SLC10A7: variants seen among roughly 807,000 people sequenced by gnomAD.
The protein encoded by SLC10A7 is solute carrier family 10 member 7, also known as sodium/bile acid cotransporter 7.
SLC10A7 carries 29 observed loss-of-function variants against 43.2 expected under a neutral mutation model. That is an observed-to-expected ratio of 0.67 (90% confidence interval 0.50 to 0.92). SLC10A7 has a LOEUF of 0.92. Ranked by LOEUF, SLC10A7 falls within the 40% of genes least tolerant of loss-of-function variation. The probability of loss-of-function intolerance (pLI) is 0.00; values close to 1 mark genes in which losing one functional copy is unlikely to be tolerated. For synonymous variants in SLC10A7, 152 were observed against 144.8 expected (o/e 1.05, Z -0.35); for missense variants, 295 against 403.2 (o/e 0.73, Z 2.30).
intron 5 of SLC10A7, among the ~76,000 whole-genome samples, chr4:146,354,008 A>G (rs2149750281): frequency 6.8e-6 from 1 of 148,146 alleles, no homozygotes; most frequent in Non-Finnish European, 1.5e-5. Flanking sequence ...CACCACTCCT[A>G]TTCAACATAG....
chr4:146,413,403 A>G (rs1333124130), intron 5 of SLC10A7, among the ~76,000 whole-genome samples: 1 of 152,182 alleles, frequency 6.6e-6, no homozygotes, highest in East Asian at 1.9e-4. Context: ...TTCAGATACT[A>G]GTGAGATAAG....
intron 7 of SLC10A7, among the ~76,000 whole-genome samples, chr4:146,301,426 G>A (rs191489852): frequency 1.7e-3 from 265 of 152,270 alleles, no homozygotes; most frequent in African/African-American, 6.1e-3. Context: ...GACTGTGAAG[G>A]GCTTTGGGGC....
chr4:146,451,260 A>C (rs988205794), intron 4 of SLC10A7, among the ~76,000 whole-genome samples: 8 of 150,824 alleles, frequency 5.3e-5, no homozygotes, highest in Non-Finnish European at 7.4e-5. Context: ...ACAAAAAAAA[A>C]CCAGGACCAG....
chr4:146,323,261 C>T (rs985082531), intron 6 of SLC10A7, among the ~76,000 whole-genome samples: 4 of 152,094 alleles, frequency 2.6e-5, no homozygotes, highest in African/African-American at 9.7e-5. Context: ...GCTTTTGTTG[C>T]CATTGCTTTT....
At chr4:146,357,352 A>C (rs1735731345) in intron 5 of SLC10A7, among the ~76,000 whole-genome samples, 1 of 152,168 alleles carries the variant, frequency 6.6e-6, no homozygotes, top group Non-Finnish European at 1.5e-5. Flanking sequence ...TGCATGATAA[A>C]ATCTATATTT....
rs907317383 is a variant in SLC10A7, at chr4:146,385,342, C to T, written c.435+57441G>A. On this transcript the variant is annotated intron_variant, in intron 5 of 11. Transcript: ENST00000335472. Reference sequence around the variant, plus strand: ...AAAGTAACTGCGGTTTTTGCCATTACTTTAAAAAATGCCTCACTTTTAAAA... The same window carrying T: ...AAAGTAACTGCGGTTTTTGCCATTATTTTAAAAAATGCCTCACTTTTAAAA... Among the ~76,000 whole-genome samples the T allele has an allele frequency of 3.3e-5, 5 of 152,086 alleles. No individual in the cohort carries two copies. The South Asian group carries it at 6.2e-4, about 19-fold the overall frequency.
intron 3 of SLC10A7, among the ~76,000 whole-genome samples, chr4:146,505,225 T>A (rs1361268093): frequency 6.6e-6 from 1 of 152,228 alleles, no homozygotes; most frequent in Admixed American, 6.5e-5. Context: ...TCCTCTTCAT[T>A]AGCCTACTCA....
chr4:146,358,610 C>A (rs547180281), intron 5 of SLC10A7, among the ~76,000 whole-genome samples: 2 of 152,188 alleles, frequency 1.3e-5, no homozygotes, highest in African/African-American at 4.8e-5. Context: ...TACATGAAAT[C>A]ATGCATAAGA....
intron 2 of SLC10A7, among the ~76,000 whole-genome samples, chr4:146,512,445 CAT>C: frequency 6.6e-6 from 1 of 152,254 alleles, no homozygotes; most frequent in East Asian, 1.9e-4. Context: ...CAAAATTGAT[CAT>C]CACAGTGTTA....
chr4:146,491,686 A>G (rs1253690011), intron 4 of SLC10A7, among the ~76,000 whole-genome samples: 2 of 46,040 alleles, frequency 4.3e-5, no homozygotes, highest in Non-Finnish European at 8.7e-5. Context: ...AAGGGAAGGA[A>G]GGAAGGAAGG....
chr4:146,390,314 G>A (rs1738331885), intron 5 of SLC10A7, among the ~76,000 whole-genome samples: 1 of 152,110 alleles, frequency 6.6e-6, no homozygotes, highest in Non-Finnish European at 1.5e-5. Flanking sequence ...AGTTTTGAAG[G>A]AGGATACAGA....
rs1462594534 is a variant in SLC10A7, at chr4:146,255,054, A to G, written c.*1437T>C. 6.6e-6 allele frequency: 1 copy of G among 152,246 alleles called. No individual in the cohort carries two copies. The highest frequency in any genetic ancestry group is 1.5e-5 in the Non-Finnish European group (1 of 68,042). 9.4% of individuals were successfully genotyped at this position (152,246 alleles called of 1,614,324 possible). Reference sequence around the variant, plus strand: ...TAAGGAATGATTTTTTGTTGTGGGCATAATAACGAAACAACAAAAACAGCT... The same window carrying G: ...TAAGGAATGATTTTTTGTTGTGGGCGTAATAACGAAACAACAAAAACAGCT... On this transcript the variant is annotated 3_prime_UTR_variant, in exon 12 of 12. Transcript: ENST00000335472.
intron 5 of SLC10A7, among the ~76,000 whole-genome samples, chr4:146,344,534 T>A (rs1489403903): frequency 6.6e-6 from 1 of 152,054 alleles, no homozygotes; most frequent in Non-Finnish European, 1.5e-5. Flanking sequence ...AGTAGTAGTT[T>A]TCACGGTGTG....
At chr4:146,324,462 T>C (rs1051882795) in intron 6 of SLC10A7, among the ~76,000 whole-genome samples, 2 of 152,176 alleles carry the variant, frequency 1.3e-5, no homozygotes, top group Admixed American at 1.3e-4. Context: ...AGCCACCTAA[T>C]TGTGGCTGTA....
At chr4:146,283,969 C>G (rs1277850674) in intron 9 of SLC10A7, among the ~76,000 whole-genome samples, 1 of 151,138 alleles carries the variant, frequency 6.6e-6, no homozygotes, top group Non-Finnish European at 1.5e-5. Context: ...TTGTTATATA[C>G]TATGTTAAAC....
intron 7 of SLC10A7, 120 bp downstream of exon 7, chr4:146,305,806 G>C: frequency 1.2e-6 from 1 of 834,294 alleles, no homozygotes; most frequent in Non-Finnish European, 1.8e-6. Flanking sequence ...TTTGTTTTTA[G>C]TCTCATATTT....
chr4:146,433,389 T>G (rs1004381054), intron 5 of SLC10A7, among the ~76,000 whole-genome samples: 1 of 151,784 alleles, frequency 6.6e-6, no homozygotes, highest in Admixed American at 6.6e-5. Flanking sequence ...GCAAAAGATA[T>G]GAACAGATAA....
intron 4 of SLC10A7, among the ~76,000 whole-genome samples, chr4:146,502,909 A>G (rs1422551045): frequency 1.3e-5 from 2 of 152,206 alleles, no homozygotes; most frequent in African/African-American, 2.4e-5. Flanking sequence ...GGGACTCAGG[A>G]AACTCTTTGA....
At chr4:146,511,934 AT>A (rs1227680725) in intron 2 of SLC10A7, among the ~76,000 whole-genome samples, 5 of 148,050 alleles carry the variant, frequency 3.4e-5, no homozygotes, top group African/African-American at 1.2e-4. Flanking sequence ...TAATGAAATG[AT>A]TAGCCAGAAT....
Sources: allele counts gnomAD v4.1 joint callset (sites outside exome capture counted in the v4.1 genomes callset), GRCh38; gene constraint gnomAD v4.1.1; transcripts MANE v1.5; gene names NCBI Gene and HGNC (gene_info 2026-07-23, HGNC 2026-07-21).